Variants in KMT5B observed in about 807,000 individuals in gnomAD.
KMT5B encodes lysine methyltransferase 5B.
A neutral mutation model predicts 83.2 loss-of-function variants in KMT5B; 10 were observed. That is an observed-to-expected ratio of 0.12 (90% confidence interval 0.07 to 0.20). KMT5B has a LOEUF of 0.20. Ranked by LOEUF, KMT5B falls within the 10% of genes least tolerant of loss-of-function variation. KMT5B has a pLI of 1.00. For synonymous variants in KMT5B, 349 were observed against 388.8 expected (o/e 0.90, Z 1.20); for missense variants, 753 against 1,067.2 (o/e 0.71, Z 4.10).
chr11:68,159,233 G>A, intron 10 of KMT5B, 62 bp from the exon 11 acceptor site: 2 of 1,498,522 alleles, frequency 1.3e-6, no homozygotes, highest in South Asian at 1.4e-5. Context: ...AGAAAAGAAT[G>A]CCCAAACCCA....
intron 3 of KMT5B, 22 bp from the exon 4 acceptor site, chr11:68,180,222 C>A (rs745996124): frequency 3.9e-6 from 6 of 1,553,824 alleles, no homozygotes; most frequent in African/African-American, 2.7e-5. Flanking sequence ...CAAAAACAAA[C>A]AACAAAAATA....
intron 1 of KMT5B, among the ~76,000 whole-genome samples, chr11:68,206,577 G>C (rs955516512): frequency 6.6e-6 from 1 of 152,140 alleles, no homozygotes; most frequent in African/African-American, 2.4e-5. Flanking sequence ...CCAGCAGTGT[G>C]AGCAGACGAG....
chr11:68,165,381 G>C (rs181126641), intron 10 of KMT5B, among the ~76,000 whole-genome samples: 1 of 152,284 alleles, frequency 6.6e-6, no homozygotes, highest in East Asian at 1.9e-4. Flanking sequence ...GCACGTGCCT[G>C]TAATCCCAGC....
Position 68,205,540 on chromosome 11 carries a change from C to G in KMT5B, c.-77+7598G>C, listed in dbSNP as rs561066798. Among the ~76,000 whole-genome samples, 34 of 152,058 alleles carry G rather than the reference C, an allele frequency of 2.2e-4. 1 individual carries two copies. In the South Asian group the frequency reaches 4.6e-3, roughly 20 times the overall value. ...TTAAAACTTACAATAAAAACTGAAA[C>G]TATTAGAATTTCTCATTGAGCAAAA... is the stretch of plus-strand genomic sequence containing the variant. On this transcript the variant is annotated intron_variant, in intron 1 of 10. Coordinates refer to ENST00000304363, the MANE Select transcript of KMT5B (RefSeq NM_017635.5).
intron 1 of KMT5B, among the ~76,000 whole-genome samples, chr11:68,195,299 T>C (rs901371525): frequency 2.0e-5 from 3 of 152,234 alleles, no homozygotes; most frequent in South Asian, 4.1e-4. Context: ...TACTAGGCAG[T>C]TGGTAACCAA....
intron 3 of KMT5B, among the ~76,000 whole-genome samples, chr11:68,181,871 C>G (rs1856966141): frequency 6.6e-6 from 1 of 152,208 alleles, no homozygotes; most frequent in South Asian, 2.1e-4. Context: ...ACGGAACACT[C>G]TGGTGGGAAG....
At chr11:68,192,696 G>A (rs1858228235) in intron 1 of KMT5B, among the ~76,000 whole-genome samples, 1 of 152,136 alleles carries the variant, frequency 6.6e-6, no homozygotes, top group Admixed American at 6.5e-5. Context: ...TAACTGTTGT[G>A]CTGGCTACTC....
chr11:68,173,299 C>T (rs1856023965), intron 6 of KMT5B, among the ~76,000 whole-genome samples: 1 of 152,190 alleles, frequency 6.6e-6, no homozygotes, highest in African/African-American at 2.4e-5. Context: ...CCTCGGCCTC[C>T]CAAAGTGCTG....
rs913055448 is a variant in KMT5B at position 68,206,607 on chromosome 11, C to A, written c.-77+6531G>T. 3.3e-5 allele frequency among the ~76,000 whole-genome samples: 5 copies of A among 152,224 alleles called. No homozygotes were observed. In the East Asian group the frequency reaches 7.7e-4, roughly 24 times the overall value. On this transcript the variant is annotated intron_variant, in intron 1 of 10. Transcript: ENST00000304363. ...GACGAGTTATTTAACTTCACCGATGCCCCACCAGTACAATGAAAAGAAGGC... is the reference window on the plus strand; with the variant it reads ...GACGAGTTATTTAACTTCACCGATGACCCACCAGTACAATGAAAAGAAGGC...
chr11:68,213,321 C>G (rs1246868788), upstream of KMT5B: 2 of 147,956 alleles, frequency 1.4e-5, no homozygotes, highest in East Asian at 2.0e-4. Flanking sequence ...CAGCACCGCT[C>G]GCTCCCTCCG....
chr11:68,156,380 TAA>T lies in KMT5B; in HGVS notation c.*1306_*1307del, dbSNP rs988208140. The T allele has an allele frequency of 3.3e-5, 5 of 152,080 alleles. No individual in the cohort carries two copies. Among genetic ancestry groups the T allele is most frequent in the Admixed American group, 6.6e-5 (1 of 15,232 alleles). 9.4% of individuals were successfully genotyped at this position (152,080 alleles called of 1,614,324 possible). ...AAAGTAGTAATAAAAATTTGCTCATTAAGTTAATTAAAATTAATTTCTCAAAG... is the reference window on the plus strand; with the variant it reads ...AAAGTAGTAATAAAAATTTGCTCATTGTTAATTAAAATTAATTTCTCAAAG... On this transcript the variant is annotated 3_prime_UTR_variant, in exon 11 of 11. Coordinates refer to ENST00000304363, the MANE Select transcript of KMT5B (RefSeq NM_017635.5).
intron 1 of KMT5B, among the ~76,000 whole-genome samples, chr11:68,204,836 C>G (rs1040640641): frequency 6.6e-6 from 1 of 151,874 alleles, no homozygotes; most frequent in Non-Finnish European, 1.5e-5. Flanking sequence ...AGGATGGTCT[C>G]GAACTCTTGA....
chr11:68,203,380 G>A (rs1370479464), intron 1 of KMT5B, among the ~76,000 whole-genome samples: 3 of 152,158 alleles, frequency 2.0e-5, no homozygotes, highest in Non-Finnish European at 2.9e-5. Context: ...AAGCAGAATC[G>A]GTTTTTAGTT....
At chr11:68,165,903 G>T in intron 10 of KMT5B, 1 of 1,612,914 alleles carries the variant, frequency 6.2e-7, no homozygotes, top group Non-Finnish European at 8.5e-7. Context: ...TCATGGCAGT[G>T]ACATTCACCA....
intron 1 of KMT5B, 57 bp from the exon 2 acceptor site, chr11:68,190,209 A>G: frequency 1.3e-6 from 1 of 765,364 alleles, no homozygotes; most frequent in South Asian, 1.7e-5. Flanking sequence ...TACATGAAAG[A>G]TCATGCTAAA....
chr11:68,172,289 G>A (rs1270374238), intron 6 of KMT5B, among the ~76,000 whole-genome samples: 1 of 152,120 alleles, frequency 6.6e-6, no homozygotes, highest in Non-Finnish European at 1.5e-5. Context: ...CTGGAGTGCA[G>A]TGGCGTGATC....
intron 1 of KMT5B, among the ~76,000 whole-genome samples, chr11:68,208,900 C>T (rs971447970): frequency 6.6e-6 from 1 of 152,108 alleles, no homozygotes; most frequent in African/African-American, 2.4e-5. Flanking sequence ...CCTCCTGGTA[C>T]TTATTTATAT....
chr11:68,184,746 T>C (rs2153067045), intron 3 of KMT5B, among the ~76,000 whole-genome samples: 1 of 152,334 alleles, frequency 6.6e-6, no homozygotes, highest in East Asian at 1.9e-4. Context: ...CCCTTTGCCA[T>C]AGAGGTTAAG....
intron 3 of KMT5B, 79 bp from the exon 4 acceptor site, chr11:68,180,279 C>T: frequency 2.0e-6 from 3 of 1,499,698 alleles, no homozygotes; most frequent in Non-Finnish European, 2.7e-6. Context: ...AACAGACTTA[C>T]AATATTCGTT....
Sources: gnomAD v4.1 joint callset for allele counts (sites outside exome capture counted in the v4.1 genomes callset) on GRCh38, gnomAD v4.1.1 for gene constraint, MANE v1.5 for transcripts, NCBI Gene and HGNC (gene_info 2026-07-23, HGNC 2026-07-21) for gene names.